Variants in ANKFN1 observed in about 807,000 individuals in gnomAD.
ANKFN1 encodes ankyrin repeat and fibronectin type-III domain-containing protein 1.
A neutral mutation model predicts 108.7 loss-of-function variants in ANKFN1; 74 were observed. The observed-to-expected ratio is 0.68, with a 90% CI of 0.56 to 0.83. The LOEUF (loss-of-function observed/expected upper bound fraction) is 0.83. Ranked by LOEUF, ANKFN1 falls within the 40% of genes least tolerant of loss-of-function variation. The pLI is 0.00. For missense variants in ANKFN1, 1,505 were observed against 1,382.3 expected, an observed-to-expected ratio of 1.09 and a Z score of -1.41; for synonymous variants, 547 against 516.2, an observed-to-expected ratio of 1.06 and a Z score of -0.81.
At chr17:56,284,735 G>A (rs2044172848) in intron 3 of ANKFN1, among the ~76,000 whole-genome samples, 1 of 152,172 alleles carries the variant, frequency 6.6e-6, no homozygotes, top group African/African-American at 2.4e-5. Flanking sequence ...CAAAAGAGGT[G>A]AGAAAATTCA....
chr17:56,345,665 A>G (rs935930087), intron 4 of ANKFN1, among the ~76,000 whole-genome samples: 1 of 151,946 alleles, frequency 6.6e-6, no homozygotes, highest in East Asian at 1.9e-4. Context: ...TTTTTTTCAT[A>G]TGTTTGTTGG....
chr17:56,133,900 A>G (rs1377191564), intron 4 of ANKFN1, among the ~76,000 whole-genome samples: 1 of 152,090 alleles, frequency 6.6e-6, no homozygotes, highest in Non-Finnish European at 1.5e-5. Flanking sequence ...TGGATGTCTT[A>G]CAATTCAATT....
chr17:56,309,874 TTTC>T (rs2044959557), intron 3 of ANKFN1, among the ~76,000 whole-genome samples: 6 of 152,240 alleles, frequency 3.9e-5, no homozygotes, highest in Admixed American at 2.6e-4. Context: ...TCTCTTCACC[TTTC>T]TTCTTGTGAT....
In ANKFN1 at chr17:56,176,624, AT is replaced by A. The variant is rs375974709; in HGVS notation, c.-71+23095del. On this transcript the variant is annotated intron_variant, in intron 1 of 20. Transcript: ENST00000682825. ...ATCGTTGGCCCTCAAAAGACATTAA[AT>A]GAGAAAGAGAATTTGGCCCAAGGTA... Among the ~76,000 whole-genome samples, 1,247 of 152,318 alleles carry A rather than the reference AT, an allele frequency of 8.2e-3. 8 individuals carry two copies. Among genetic ancestry groups the A allele is most frequent in the Non-Finnish European group, 0.012 (784 of 68,032 alleles).
At chr17:56,179,318 ACT>A (rs1404745272) in intron 1 of ANKFN1, among the ~76,000 whole-genome samples, 1 of 151,890 alleles carries the variant, frequency 6.6e-6, no homozygotes, top group Non-Finnish European at 1.5e-5. Flanking sequence ...TGGAAAACAA[ACT>A]CTCCTGTGTT....
intron 4 of ANKFN1, among the ~76,000 whole-genome samples, chr17:56,096,806 T>G (rs1800757046): frequency 6.6e-6 from 1 of 152,180 alleles, no homozygotes; most frequent in Non-Finnish European, 1.5e-5. Context: ...TAAAGACACA[T>G]GCATATGTGT....
At chr17:56,081,475 CCAGAGTGGCTGGGACTACAGGCACCCG>C (rs1272352255) in intron 4 of ANKFN1, among the ~76,000 whole-genome samples, 4 of 152,162 alleles carry the variant, frequency 2.6e-5, no homozygotes, top group Non-Finnish European at 5.9e-5. Context: ...GCCTCAGCCT[CCAGAGTGGCTGGGACTACAGGCACCCG>C]CCACCACGCC....
chr17:56,214,492 T>A (rs1177474095), intron 2 of ANKFN1, among the ~76,000 whole-genome samples: 1 of 152,210 alleles, frequency 6.6e-6, no homozygotes, highest in East Asian at 1.9e-4. Context: ...TATTAAAAAA[T>A]GGGATGATGC....
chr17:56,109,612 C>A (rs1567788706), intron 4 of ANKFN1, among the ~76,000 whole-genome samples: 1 of 152,134 alleles, frequency 6.6e-6, no homozygotes, highest in African/African-American at 2.4e-5. Flanking sequence ...TTGAACAGAA[C>A]ACCGGCAATG....
intron 1 of ANKFN1, among the ~76,000 whole-genome samples, chr17:56,169,718 C>G (rs775759839): frequency 2.0e-5 from 3 of 152,168 alleles, no homozygotes; most frequent in African/African-American, 7.2e-5. Context: ...TCCCAGGAGA[C>G]AGCGCCAAGC....
chr17:56,180,462 T>C (rs937607986), intron 1 of ANKFN1, among the ~76,000 whole-genome samples: 1 of 152,188 alleles, frequency 6.6e-6, no homozygotes, highest in Non-Finnish European at 1.5e-5. Flanking sequence ...GGCATCCACA[T>C]AACATTCAAC....
chr17:56,479,660 A>G (rs554630371), intron 16 of ANKFN1, among the ~76,000 whole-genome samples: 30 of 152,354 alleles, frequency 2.0e-4, no homozygotes, highest in African/African-American at 6.5e-4. Context: ...GCCACATTCA[A>G]TTTGGTTTTC....
At position 56,371,689 on chromosome 17, in the gene ANKFN1, T is replaced by C. The variant is rs550915994; in HGVS notation, c.602-957T>C. Reference sequence around the variant, plus strand: ...TTTATCACTTAACCAGGTGGGGCTCTGAAGTGACCAAGTGACCATCGTGGC... The same window carrying C: ...TTTATCACTTAACCAGGTGGGGCTCCGAAGTGACCAAGTGACCATCGTGGC... On this transcript the variant is annotated intron_variant, in intron 6 of 20. Transcript: ENST00000682825. 2.1e-3 allele frequency among the ~76,000 whole-genome samples: 326 copies of C among 152,286 alleles called. 1 individual carries two copies. Among genetic ancestry groups the C allele is most frequent in the Non-Finnish European group, 4.0e-3 (275 of 68,036 alleles).
At chr17:56,155,596 C>G (rs1909027049) in intron 1 of ANKFN1, among the ~76,000 whole-genome samples, 1 of 152,156 alleles carries the variant, frequency 6.6e-6, no homozygotes, top group African/African-American at 2.4e-5. Flanking sequence ...GCTGTGCTTA[C>G]AGTGGGAGAA....
intron 4 of ANKFN1, among the ~76,000 whole-genome samples, chr17:56,327,958 A>G (rs2045566698): frequency 6.6e-6 from 1 of 152,200 alleles, no homozygotes; most frequent in Non-Finnish European, 1.5e-5. Context: ...CCCTTCCCTC[A>G]TCTAAGGGAT....
At chr17:56,311,142 C>T (rs1335864303) in intron 3 of ANKFN1, among the ~76,000 whole-genome samples, 1 of 151,012 alleles carries the variant, frequency 6.6e-6, no homozygotes, top group Non-Finnish European at 1.5e-5. Flanking sequence ...CTCTCTCTCT[C>T]TCGCTCACTC....
At chr17:56,466,686 G>A (rs888749143) in intron 15 of ANKFN1, 115 bp downstream of exon 15, 6 of 850,018 alleles carry the variant, frequency 7.1e-6, no homozygotes, top group East Asian at 2.7e-5. Context: ...AGTGGAGAGG[G>A]TCCAGAGATA....
chr17:56,095,607 G>T (rs1016668772), intron 4 of ANKFN1, among the ~76,000 whole-genome samples: 2 of 152,158 alleles, frequency 1.3e-5, no homozygotes, highest in African/African-American at 2.4e-5. Flanking sequence ...TGGTCTGAAT[G>T]CTTTAATTTG....
chr17:56,436,546 G>A (rs1173277019), intron 8 of ANKFN1, among the ~76,000 whole-genome samples: 2 of 151,996 alleles, frequency 1.3e-5, no homozygotes, highest in South Asian at 2.1e-4. Context: ...AGTTGCGGCC[G>A]GGCACGGTGG....
Sources: gnomAD v4.1 joint callset for allele counts (sites outside exome capture counted in the v4.1 genomes callset) on GRCh38, gnomAD v4.1.1 for gene constraint, MANE v1.5 for transcripts, NCBI Gene and HGNC (gene_info 2026-07-23, HGNC 2026-07-21) for gene names.